ZYX: variants seen among roughly 807,000 people sequenced by gnomAD.
The protein encoded by ZYX is zyxin-2.
In ZYX, 37 loss-of-function variants were observed where a neutral mutation model predicts 58.1. The observed-to-expected ratio is 0.64, with a 90% CI of 0.49 to 0.84. The LOEUF (loss-of-function observed/expected upper bound fraction) is 0.84. Among genes scored for constraint, ZYX ranks in the 40% least tolerant of loss-of-function variants. ZYX has a pLI of 0.00. For synonymous variants in ZYX, 324 were observed against 321.1 expected (o/e 1.01, Z -0.10); for missense variants, 762 against 761.6 (o/e 1.00, Z -0.01).
At chr7:143,385,313 A>C (rs573328792) in intron 5 of ZYX, among the ~76,000 whole-genome samples, 1 of 151,826 alleles carries the variant, frequency 6.6e-6, no homozygotes, top group Non-Finnish European at 1.5e-5. Flanking sequence ...ACTGTGTGTC[A>C]GTGGTGTGTG....
chr7:143,386,547 C>G (rs1240659019), intron 5 of ZYX, among the ~76,000 whole-genome samples: 1 of 152,088 alleles, frequency 6.6e-6, no homozygotes, highest in South Asian at 2.1e-4. Flanking sequence ...CTTTCTGCAG[C>G]TTGGAAGCAG....
chr7:143,384,118 G>C lies in ZYX; in HGVS notation c.1023+796G>C, dbSNP rs554569820. On this transcript the variant is annotated intron_variant, in intron 5 of 9. Coordinates refer to ENST00000322764, the MANE Select transcript of ZYX (RefSeq NM_003461.5). The surrounding 1 kb of genome is among the most constrained non-coding windows in gnomAD (Gnocchi z 4.9). ...AGGAAATAAGATCGTCCAATTTCTG[G>C]TGACGAAGATGACCCTGATGGTCAT... 2.3e-4 allele frequency: 103 copies of C among 449,852 alleles called. 1 individual carries two copies. Among genetic ancestry groups the C allele is most frequent in the Middle Eastern group, 1.0e-3 (3 of 2,964 alleles). 27.9% of individuals were successfully genotyped at this position (449,852 alleles called of 1,614,324 possible).
In ZYX at chr7:143,381,631, C is replaced by T; in HGVS notation, c.60C>T (p.Tyr20=). Residue 20 remains tyrosine (Y), a synonymous_variant, in exon 2 of 10, where the codon TAC becomes TAT. Transcript: ENST00000322764. ...TTTCGGTCTCGGCTCCGGCTTTTTA[C>T]GCCCCGCAGAAGAAGTTCGGCCCTG... ...ISVSVSAPAF[Y]APQKKFGPVV... 1 of 1,612,348 alleles carries T rather than the reference C, an allele frequency of 6.2e-7. No homozygotes were observed. Among genetic ancestry groups the T allele is most frequent in the Non-Finnish European group, 8.5e-7 (1 of 1,179,634 alleles).
chr7:143,390,963 G>A lies in ZYX; in HGVS notation c.*281G>A. ...CAGGTTTAGTGCTGCTGCTTTCACT[G>A]CTGCACCCGCGCCCTCGGCCGGCCC... On this transcript the variant is annotated 3_prime_UTR_variant, in exon 10 of 10. Coordinates refer to ENST00000322764, the MANE Select transcript of ZYX (RefSeq NM_003461.5). This position sits in a 1 kb window ranked among gnomAD's most constrained non-coding sequence, Gnocchi z 4.3. 1 of 452,966 alleles carries A rather than the reference G, an allele frequency of 2.2e-6. No individual in the cohort carries two copies. The highest frequency in any genetic ancestry group is 2.5e-5 in the South Asian group (1 of 39,950). The allele number at this position is 452,966 out of a possible 1,614,324, so 28.1% of individuals were successfully genotyped here.
In ZYX at chr7:143,387,651, C is replaced by T. The variant is rs893053428; in HGVS notation, c.1024-568C>T. The T allele has an allele frequency of 5.3e-5, 25 of 468,266 alleles. No individual in the cohort carries two copies. In the Admixed American group the frequency reaches 5.6e-4, roughly 11 times the overall value. The allele number at this position is 468,266 out of a possible 1,614,324, so 29.0% of individuals were successfully genotyped here. On this transcript the variant is annotated intron_variant, in intron 5 of 9. Coordinates refer to ENST00000322764, the MANE Select transcript of ZYX (RefSeq NM_003461.5). This position sits in a 1 kb window ranked among gnomAD's most constrained non-coding sequence, Gnocchi z 5.8. ...GGACCTGAGTGAGGTAGTTCAGAGG[C>T]CCCTCACTCGAGGGACAGGGTCTCT...
chr7:143,381,902 C>A, intron 2 of ZYX, 123 bp downstream of exon 2: 1 of 999,448 alleles, frequency 1.0e-6, no homozygotes, highest in Non-Finnish European at 1.4e-6. Context: ...CACCCTGTCC[C>A]GAGCAGATGT....
rs745510004 is a variant in ZYX, at chr7:143,382,314, C to G, written c.275C>G (p.Ala92Gly). ...GDDAEGALGG[A>G]FPPPPPPIEE... The stretch of plus-strand genomic sequence containing the variant: ...GATGCAGAGGGTGCTCTGGGAGGTG[C>G]CTTCCCGCCGCCCCCTCCCCCGATC... The change falls in exon 3 of 10, where the codon GCC (alanine) becomes GGC (glycine). Residue 92 changes from alanine (A) to glycine (G), a missense_variant. Ala to Gly is a moderately conservative substitution (Grantham distance 60). Transcript: ENST00000322764. 2 of 1,610,196 alleles carry G rather than the reference C, an allele frequency of 1.2e-6. No homozygotes were observed. Among genetic ancestry groups the G allele is most frequent in the Admixed American group, 1.7e-5 (1 of 59,548 alleles).
Position 143,384,266 on chromosome 7 carries a change from C to T in ZYX, c.1023+944C>T, listed in dbSNP as rs113491627. On this transcript the variant is annotated intron_variant, in intron 5 of 9. Coordinates refer to ENST00000322764, the MANE Select transcript of ZYX (RefSeq NM_003461.5). This position sits in a 1 kb window ranked among gnomAD's most constrained non-coding sequence, Gnocchi z 4.9. Reference sequence around the variant, plus strand: ...ATCCTGTGAGTCACAGGCACTCAGACCAGGGAGTCAACTCGGGGAGTCAAA... The same window carrying T: ...ATCCTGTGAGTCACAGGCACTCAGATCAGGGAGTCAACTCGGGGAGTCAAA... 9.4e-3 allele frequency: 4,418 copies of T among 471,238 alleles called. 167 individuals are homozygous for T. Among genetic ancestry groups the T allele is most frequent in the African/African-American group, 0.08 (4,025 of 50,086 alleles). 29.2% of individuals were successfully genotyped at this position (471,238 alleles called of 1,614,324 possible). A position where few individuals can be genotyped will look rare whatever the true frequency, so the allele number is the denominator to read the frequency against.
In ZYX at chr7:143,387,966, A is replaced by G. The variant is rs1000033513; in HGVS notation, c.1024-253A>G. 5 of 570,474 alleles carry G rather than the reference A, an allele frequency of 8.8e-6. No individual in the cohort carries two copies. Among genetic ancestry groups the G allele is most frequent in the Non-Finnish European group, 1.7e-5 (5 of 302,910 alleles). 35.3% of individuals were successfully genotyped at this position (570,474 alleles called of 1,614,324 possible). On this transcript the variant is annotated intron_variant, in intron 5 of 9. Coordinates refer to ENST00000322764, the MANE Select transcript of ZYX (RefSeq NM_003461.5). The surrounding 1 kb of genome is among the most constrained non-coding windows in gnomAD (Gnocchi z 5.8). ...CATTCTGGCCTGTCTGTGACTGCTC[A>G]GGGGGTTTGGGCAGAGTGGGTGGAA...
Position 143,388,782 on chromosome 7 carries a change from T to C in ZYX, c.1330T>C (p.Cys444Arg). Residue 444 changes from cysteine to arginine, a missense_variant, in exon 8 of 10, where the codon TGT (cysteine) becomes CGT (arginine). By Grantham distance (180) the Cys-to-Arg change is radical (BLOSUM62 -3). Coordinates refer to ENST00000322764, the MANE Select transcript of ZYX (RefSeq NM_003461.5). This position sits in a 1 kb window ranked among gnomAD's most constrained non-coding sequence, Gnocchi z 7.5. ...EGCYTDTLEK[C>R]NTCGEPITDR... is the part of the protein sequence containing the mutation. ...GCCTCCTCAGGACACCCTGGAGAAGTGTAACACCTGCGGGGAGCCCATCAC... is the reference window on the plus strand; with the variant it reads ...GCCTCCTCAGGACACCCTGGAGAAGCGTAACACCTGCGGGGAGCCCATCAC... The C allele has an allele frequency of 6.2e-7, 1 of 1,613,618 alleles. No homozygotes were observed. The highest frequency in any genetic ancestry group is 1.1e-5 in the South Asian group (1 of 91,042).
In ZYX at chr7:143,388,386, G is replaced by T; in HGVS notation, c.1144+47G>T. 1.9e-6 allele frequency: 3 copies of T among 1,611,694 alleles called. No homozygotes were observed. The highest frequency in any genetic ancestry group is 2.5e-6 in the Non-Finnish European group (3 of 1,178,570). ...ACCCCCACCCTGCCCCCACATCACG[G>T]TGGGGGCCAGGGCTGTGGCTCCACT... On this transcript the variant is annotated intron_variant, in intron 6 of 9. Coordinates refer to ENST00000322764, the MANE Select transcript of ZYX (RefSeq NM_003461.5). This position sits in a 1 kb window ranked among gnomAD's most constrained non-coding sequence, Gnocchi z 7.5.
At position 143,388,356 on chromosome 7, in the gene ZYX, G is replaced by A. The variant is rs759436575; in HGVS notation, c.1144+17G>A. On this transcript the variant is annotated intron_variant, in intron 6 of 9. Transcript: ENST00000322764. The surrounding 1 kb of genome is among the most constrained non-coding windows in gnomAD (Gnocchi z 7.5). Reference sequence around the variant, plus strand: ...CTGTCAACGGTGAGCCCACCCCACCGGGACACCCCCACCCTGCCCCCACAT... The same window carrying A: ...CTGTCAACGGTGAGCCCACCCCACCAGGACACCCCCACCCTGCCCCCACAT... 27 of 1,613,248 alleles carry A rather than the reference G, an allele frequency of 1.7e-5. No individual in the cohort carries two copies. The highest frequency in any genetic ancestry group is 6.7e-5 in the East Asian group (3 of 44,866).
At position 143,388,148 on chromosome 7, in the gene ZYX, G is replaced by A; in HGVS notation, c.1024-71G>A. On this transcript the variant is annotated intron_variant, in intron 5 of 9. Transcript: ENST00000322764. This position sits in a 1 kb window ranked among gnomAD's most constrained non-coding sequence, Gnocchi z 7.5. ...AGCTAAGCCTCATCGGAAGAAGCCG[G>A]GTAGGCTGGCCTGGGAAGGTTCTTG... The A allele has an allele frequency of 6.6e-7, 1 of 1,518,376 alleles. No homozygotes were observed. The highest frequency in any genetic ancestry group is 1.3e-5 in the South Asian group (1 of 79,968). The allele number at this position is 1,518,376 out of a possible 1,614,324, so 94.1% of individuals were successfully genotyped here.
rs1292453721 is a variant in ZYX at position 143,389,875 on chromosome 7, C to T, written c.1512C>T (p.Cys504=). Reference sequence around the variant, plus strand: ...CTTCCAGGCAGTACGCCCCGAGGTGCTCCGTCTGCTCTGAGCCCATCATGC... The same window carrying T: ...CTTCCAGGCAGTACGCCCCGAGGTGTTCCGTCTGCTCTGAGCCCATCATGC... ...PDYHKQYAPR[C]SVCSEPIMPE... The change falls in exon 9 of 10, where the codon TGC becomes TGT. Residue 504 remains cysteine (C), a synonymous_variant. Coordinates refer to ENST00000322764, the MANE Select transcript of ZYX (RefSeq NM_003461.5). The surrounding 1 kb of genome is among the most constrained non-coding windows in gnomAD (Gnocchi z 5.6). The T allele has an allele frequency of 2.5e-6, 4 of 1,613,978 alleles. No individual in the cohort carries two copies. In the East Asian group the frequency reaches 8.9e-5, roughly 36 times the overall value.
chr7:143,386,727 T>C (rs1009858180), intron 5 of ZYX, among the ~76,000 whole-genome samples: 1 of 151,988 alleles, frequency 6.6e-6, no homozygotes, highest in African/African-American at 2.4e-5. Context: ...TGGGGGCAAC[T>C]AAGGCTTTTC....
rs185619051 is a variant in ZYX at position 143,382,715 on chromosome 7, G to T, written c.501+30G>T. 2.8e-5 allele frequency: 45 copies of T among 1,614,030 alleles called. No individual in the cohort carries two copies. In the Admixed American group the frequency reaches 6.2e-4, roughly 22 times the overall value. The stretch of plus-strand genomic sequence containing the variant: ...GGGACCGGAGAGTAGGAAAAGCAGG[G>T]CTCAGGGCCAGAGAGACTGGGCATA... On this transcript the variant is annotated intron_variant, in intron 4 of 9. Coordinates refer to ENST00000322764, the MANE Select transcript of ZYX (RefSeq NM_003461.5).
At position 143,382,818 on chromosome 7, in the gene ZYX, G is replaced by A; in HGVS notation, c.519G>A (p.Val173=). The A allele has an allele frequency of 6.2e-7, 1 of 1,606,114 alleles. No homozygotes were observed. The part of the protein sequence containing the change: ...PFKARVSSGY[V]PPPVATPFSS... ...CCTTGCAGGTGTCATCTGGATATGT[G>A]CCCCCACCAGTGGCCACTCCATTCA... is the stretch of plus-strand genomic sequence containing the variant. Residue 173 remains valine (V), a synonymous_variant, in exon 5 of 10, where the codon GTG becomes GTA. Coordinates refer to ENST00000322764, the MANE Select transcript of ZYX (RefSeq NM_003461.5).
chr7:143,381,813 A>T, intron 2 of ZYX, 34 bp downstream of exon 2: 9 of 1,495,354 alleles, frequency 6.0e-6, no homozygotes, highest in Non-Finnish European at 8.0e-6. Flanking sequence ...GTACCCCGGC[A>T]GGAGCCGGGG....
Position 143,381,366 on chromosome 7 carries a change from C to A in ZYX, c.-59C>A, listed in dbSNP as rs952909633. On this transcript the variant is annotated 5_prime_UTR_variant, in exon 1 of 10. Transcript: ENST00000322764. ...GGACGCAGAGTCTGCGGACCCGGCG[C>A]CGAGGCGGCCACCCGAGACGCGGCG... The A allele has an allele frequency of 2.2e-5, 25 of 1,162,210 alleles. No homozygotes were observed. Among genetic ancestry groups the A allele is most frequent in the Non-Finnish European group, 2.5e-5 (24 of 941,316 alleles). The allele number at this position is 1,162,210 out of a possible 1,614,324, so 72.0% of individuals were successfully genotyped here.
Sources: allele counts gnomAD v4.1 joint callset (sites outside exome capture counted in the v4.1 genomes callset), GRCh38; gene constraint gnomAD v4.1.1; non-coding constraint Gnocchi (gnomAD v3.1); transcripts MANE v1.5; gene names NCBI Gene and HGNC (gene_info 2026-07-23, HGNC 2026-07-21).